The following PCDHA10 variants were observed in gnomAD, a reference collection of about 807,000 sequenced individuals.
PCDHA10 encodes protocadherin alpha-10.
A neutral mutation model predicts 61.2 loss-of-function variants in PCDHA10; 45 were observed. That is an observed-to-expected ratio of 0.74 (90% CI 0.58 to 0.94). PCDHA10 has a LOEUF of 0.94. Among genes scored for constraint, PCDHA10 ranks in the 40% least tolerant of loss-of-function variants. The pLI, the probability that PCDHA10 is intolerant of heterozygous loss-of-function variation, is 0.00. For missense variants in PCDHA10, 1,278 were observed against 1,236.2 expected (o/e 1.03, Z -0.51); for synonymous variants, 602 against 548.8 (o/e 1.10, Z -1.35).
intron 3 of PCDHA10, among the ~76,000 whole-genome samples, chr5:140,984,789 A>G (rs2097121266): frequency 6.6e-6 from 1 of 152,202 alleles, no homozygotes; most frequent in African/African-American, 2.4e-5. Context: ...GGGTGAGCAT[A>G]GACAAACTGC....
At chr5:140,898,400 C>T (rs1374307667) in intron 1 of PCDHA10, among the ~76,000 whole-genome samples, 1 of 152,178 alleles carries the variant, frequency 6.6e-6, no homozygotes, top group Non-Finnish European at 1.5e-5. Flanking sequence ...TTTCAGCTTT[C>T]TACATACGGC....
At position 140,893,180 on chromosome 5, in the gene PCDHA10, C is replaced by T. The variant is rs1388898676; in HGVS notation, c.2388+34744C>T. Among the ~76,000 whole-genome samples, 3 of 152,208 alleles carry T rather than the reference C, an allele frequency of 2.0e-5. No individual in the cohort carries two copies. In the South Asian group the frequency reaches 6.2e-4, roughly 31 times the overall value. On this transcript the variant is annotated intron_variant, in intron 1 of 3. Coordinates refer to ENST00000307360, the MANE Select transcript of PCDHA10 (RefSeq NM_018901.4). ...TATTGAGGTTGATTCCACATAGTAGCTATTGTGAATAGTGCTGCAGTAAGT... is the reference window on the plus strand; with the variant it reads ...TATTGAGGTTGATTCCACATAGTAGTTATTGTGAATAGTGCTGCAGTAAGT...
intron 1 of PCDHA10, among the ~76,000 whole-genome samples, chr5:140,914,155 A>G (rs1432406316): frequency 6.6e-6 from 1 of 152,188 alleles, no homozygotes; most frequent in Admixed American, 6.5e-5. Flanking sequence ...GTTCTGTCCA[A>G]TACGGAAAGT....
In PCDHA10 at chr5:140,883,112, A is replaced by G. The variant is rs141106500; in HGVS notation, c.2388+24676A>G. 408 of 1,614,156 alleles carry G rather than the reference A, an allele frequency of 2.5e-4. 3 individuals are homozygous for G. In the African/African-American group the frequency reaches 5.1e-3, roughly 20 times the overall value. ...AAATGGAGATATAGTTTACTCATTTAGAAGGCCTGTATGGCCTGCAGTGGT... is the reference window on the plus strand; with the variant it reads ...AAATGGAGATATAGTTTACTCATTTGGAAGGCCTGTATGGCCTGCAGTGGT... On this transcript the variant is annotated intron_variant, in intron 1 of 3. Coordinates refer to ENST00000307360, the MANE Select transcript of PCDHA10 (RefSeq NM_018901.4).
At chr5:141,003,245 A>T (rs1554258962) in intron 3 of PCDHA10, among the ~76,000 whole-genome samples, 1 of 152,216 alleles carries the variant, frequency 6.6e-6, no homozygotes, top group African/African-American at 2.4e-5. Context: ...TTTGCCAAAA[A>T]GATTCCTGGG....
intron 1 of PCDHA10, chr5:140,861,365 G>T (rs2046879866): frequency 2.8e-6 from 1 of 359,244 alleles, no homozygotes; most frequent in Non-Finnish European, 5.7e-6. Context: ...GCGTCTTCGC[G>T]GTCCCTATTG....
At chr5:140,900,924 A>C (rs553059638) in intron 1 of PCDHA10, among the ~76,000 whole-genome samples, 1 of 152,216 alleles carries the variant, frequency 6.6e-6, no homozygotes, top group South Asian at 2.1e-4. Flanking sequence ...ATGATATCTC[A>C]TTGTAGTTTT....
At chr5:140,868,806 G>T (rs374832846) in intron 1 of PCDHA10, 1 of 357,072 alleles carries the variant, frequency 2.8e-6, no homozygotes, top group South Asian at 6.9e-5. Flanking sequence ...AAATAAGCAC[G>T]TTGGAAATAT....
At position 140,869,590 on chromosome 5, in the gene PCDHA10, G is replaced by A. The variant is rs372301742; in HGVS notation, c.2388+11154G>A. 61 of 1,613,984 alleles carry A rather than the reference G, an allele frequency of 3.8e-5. No individual in the cohort carries two copies. The highest frequency in any genetic ancestry group is 4.9e-5 in the Non-Finnish European group (58 of 1,180,038). ...AGAGGGAGCTTCTGATGCTGACATT[G>A]AAGAGAATGCTCTATTGACCTACAG... On this transcript the variant is annotated intron_variant, in intron 1 of 3. Coordinates refer to ENST00000307360, the MANE Select transcript of PCDHA10 (RefSeq NM_018901.4).
chr5:141,001,102 A>T (rs1197761807), intron 3 of PCDHA10, among the ~76,000 whole-genome samples: 1 of 152,076 alleles, frequency 6.6e-6, no homozygotes, highest in African/African-American at 2.4e-5. Context: ...TCTAATCCAT[A>T]ATAAGCAATC....
chr5:140,921,051 C>T (rs2079992855), intron 1 of PCDHA10, among the ~76,000 whole-genome samples: 1 of 151,910 alleles, frequency 6.6e-6, no homozygotes, highest in Non-Finnish European at 1.5e-5. Context: ...GCAATCATAG[C>T]TCACTCTAAC....
chr5:141,009,544 C>A (rs1236431515), intron 3 of PCDHA10, 83 bp from the exon 4 acceptor site: 1 of 1,534,390 alleles, frequency 6.5e-7, no homozygotes. Context: ...CCTGCCTATG[C>A]AGTACTCCTG....
At chr5:140,992,044 T>A (rs1160444128) in intron 3 of PCDHA10, among the ~76,000 whole-genome samples, 1 of 151,788 alleles carries the variant, frequency 6.6e-6, no homozygotes, top group African/African-American at 2.4e-5. Flanking sequence ...TGTGTGTGTG[T>A]GTGTGTGTGT....
At chr5:140,988,482 C>T (rs1017365611) in intron 3 of PCDHA10, among the ~76,000 whole-genome samples, 1 of 152,152 alleles carries the variant, frequency 6.6e-6, no homozygotes, top group Non-Finnish European at 1.5e-5. Flanking sequence ...GAATTAGCAT[C>T]CCCTACCTAG....
chr5:140,939,090 A>C (rs1563171940), intron 1 of PCDHA10, among the ~76,000 whole-genome samples: 1 of 152,192 alleles, frequency 6.6e-6, no homozygotes, highest in Non-Finnish European at 1.5e-5. Flanking sequence ...GGGTGGCTTA[A>C]AAACAATAGA....
At chr5:140,858,570 C>A (rs1212586718) in intron 1 of PCDHA10, 134 bp downstream of exon 1, 2 of 1,363,070 alleles carry the variant, frequency 1.5e-6, no homozygotes, top group Non-Finnish European at 1.0e-6. Flanking sequence ...TCTAGTGATA[C>A]CTTTGTAATA....
At chr5:140,969,038 A>G in intron 1 of PCDHA10, 1 of 1,614,148 alleles carries the variant, frequency 6.2e-7, no homozygotes, top group South Asian at 1.1e-5. Context: ...AGAACTGTAC[A>G]AACAAGCCAA....
At chr5:140,990,705 G>A (rs2097408066) in intron 3 of PCDHA10, among the ~76,000 whole-genome samples, 1 of 152,132 alleles carries the variant, frequency 6.6e-6, no homozygotes, top group Non-Finnish European at 1.5e-5. Flanking sequence ...AGATTTATGG[G>A]GATAAGAGCA....
intron 1 of PCDHA10, among the ~76,000 whole-genome samples, chr5:140,906,294 T>C (rs1554192469): frequency 1.3e-5 from 2 of 152,278 alleles, no homozygotes; most frequent in East Asian, 3.9e-4. Flanking sequence ...AAGACAATAA[T>C]AAGGTCATAA....
Sources: allele counts gnomAD v4.1 joint callset (sites outside exome capture counted in the v4.1 genomes callset), GRCh38; gene constraint gnomAD v4.1.1; transcripts MANE v1.5; gene names NCBI Gene and HGNC (gene_info 2026-07-23, HGNC 2026-07-21).